Variants in CEP128 observed in about 807,000 individuals in gnomAD.
CEP128 encodes centrosomal protein 128kDa.
Under a neutral mutation model 156.7 loss-of-function variants are expected in CEP128, and 132 were observed. The ratio of observed to expected loss-of-function variants is 0.84; its 90% CI spans 0.73 to 0.97. The LOEUF (loss-of-function observed/expected upper bound fraction) is 0.97. CEP128 is among the 50% of genes least tolerant of loss of function. CEP128 has a pLI of 0.00. For missense variants in CEP128, 1,252 were observed against 1,281.9 expected, an observed-to-expected ratio of 0.98 and a Z score of 0.36; for synonymous variants, 469 against 448.9, an observed-to-expected ratio of 1.04 and a Z score of -0.57.
At position 80,896,303 on chromosome 14, in the gene CEP128, TAAAC is replaced by T. The variant is rs1175523346; in HGVS notation, c.573-517_573-514del. Among the ~76,000 whole-genome samples, 4 of 152,150 alleles carry T rather than the reference TAAAC, an allele frequency of 2.6e-5. 1 individual carries two copies. The South Asian group carries it at 6.2e-4, about 24-fold the overall frequency. ...CTCCTCAAATTAATAACATACATGA[TAAAC>T]AAACAAATCGTACAGAAAGATTTAC... On this transcript the variant is annotated intron_variant, in intron 7 of 24. Transcript: ENST00000555265.
chr14:80,558,954 A>G (rs1182227243), intron 21 of CEP128, among the ~76,000 whole-genome samples: 2 of 152,110 alleles, frequency 1.3e-5, no homozygotes, highest in Non-Finnish European at 2.9e-5. Flanking sequence ...TTATCAACCA[A>G]TCCTCTTAGT....
At chr14:80,953,589 A>G (rs1486237660) in intron 2 of CEP128, among the ~76,000 whole-genome samples, 1 of 152,190 alleles carries the variant, frequency 6.6e-6, no homozygotes, top group Non-Finnish European at 1.5e-5. Flanking sequence ...CGTCTCAAAC[A>G]AACAAACAAA....
intron 19 of CEP128, among the ~76,000 whole-genome samples, chr14:80,719,557 A>G (rs773093102): frequency 5.3e-5 from 8 of 152,316 alleles, no homozygotes; most frequent in Non-Finnish European, 1.0e-4. Context: ...GGCCCAGACT[A>G]GATCACATCT....
At chr14:80,562,576 T>C (rs908155032) in intron 20 of CEP128, among the ~76,000 whole-genome samples, 1 of 151,962 alleles carries the variant, frequency 6.6e-6, no homozygotes, top group Non-Finnish European at 1.5e-5. Context: ...TAGTTATATA[T>C]CTTTATATAA....
intron 21 of CEP128, among the ~76,000 whole-genome samples, chr14:80,553,992 T>C (rs1205436843): frequency 6.6e-6 from 1 of 152,164 alleles, no homozygotes; most frequent in Non-Finnish European, 1.5e-5. Flanking sequence ...ACCCATAGAA[T>C]TTTTCCATAT....
chr14:80,803,662 A>G (rs1346233889), intron 13 of CEP128, among the ~76,000 whole-genome samples: 1 of 152,142 alleles, frequency 6.6e-6, no homozygotes, highest in Non-Finnish European at 1.5e-5. Flanking sequence ...GATCAACAAG[A>G]CACCACTCCC....
chr14:80,543,392 G>T (rs1889849049), intron 21 of CEP128, among the ~76,000 whole-genome samples: 1 of 152,152 alleles, frequency 6.6e-6, no homozygotes, highest in Admixed American at 6.5e-5. Context: ...CCAATAATCT[G>T]AAGTTAGAGC....
At chr14:80,667,339 T>A (rs1343361611) in intron 19 of CEP128, among the ~76,000 whole-genome samples, 1 of 152,034 alleles carries the variant, frequency 6.6e-6, no homozygotes, top group African/African-American at 2.4e-5. Context: ...TGGATGTGAA[T>A]CCAGCAAATA....
At chr14:80,670,958 ATTGTT>A (rs1217168400) in intron 19 of CEP128, among the ~76,000 whole-genome samples, 2 of 152,190 alleles carry the variant, frequency 1.3e-5, no homozygotes, top group African/African-American at 4.8e-5. Flanking sequence ...AATAGTACTA[ATTGTT>A]ACCTTGATCT....
At chr14:80,958,765 C>A (rs574772078) in intron 1 of CEP128, among the ~76,000 whole-genome samples, 62 of 152,178 alleles carry the variant, frequency 4.1e-4, no homozygotes, top group African/African-American at 1.5e-3. Context: ...GTGGTGACCT[C>A]TTTTTGGAAT....
chr14:80,847,978 CACTT>C (rs1886693707), intron 9 of CEP128, among the ~76,000 whole-genome samples: 1 of 152,128 alleles, frequency 6.6e-6, no homozygotes, highest in South Asian at 2.1e-4. Context: ...CTTCAAGAAA[CACTT>C]ACTGGGCCCC....
intron 19 of CEP128, among the ~76,000 whole-genome samples, chr14:80,696,379 T>C (rs1566862506): frequency 6.6e-6 from 1 of 152,174 alleles, no homozygotes; most frequent in Admixed American, 6.5e-5. Flanking sequence ...TCAGAGGTCA[T>C]GAGCATTTGG....
At chr14:80,680,519 C>T (rs1896277549) in intron 19 of CEP128, among the ~76,000 whole-genome samples, 1 of 152,126 alleles carries the variant, frequency 6.6e-6, no homozygotes, top group African/African-American at 2.4e-5. Context: ...TATATGAAGA[C>T]CCTCTCTGCT....
At chr14:80,780,052 T>C (rs1465358676) in intron 15 of CEP128, among the ~76,000 whole-genome samples, 1 of 152,136 alleles carries the variant, frequency 6.6e-6, no homozygotes, top group Non-Finnish European at 1.5e-5. Context: ...CTGAAAATAT[T>C]AATAGCAGAT....
At chr14:80,504,069 G>A (rs1887858929) in intron 24 of CEP128, among the ~76,000 whole-genome samples, 1 of 152,060 alleles carries the variant, frequency 6.6e-6, no homozygotes, top group African/African-American at 2.4e-5. Context: ...CAGGCCCATG[G>A]TAAACTGAAG....
intron 19 of CEP128, among the ~76,000 whole-genome samples, chr14:80,647,051 A>ATGTGTGTGTG (rs1566831547): frequency 0.03 from 245 of 8,128 alleles, 15 homozygotes; most frequent in Non-Finnish European, 0.032. Context: ...ATATATATAT[A>ATGTGTGTGTG]TATATATATA....
At chr14:80,634,819 C>A (rs930097589) in intron 19 of CEP128, among the ~76,000 whole-genome samples, 10 of 152,206 alleles carry the variant, frequency 6.6e-5, no homozygotes, top group African/African-American at 2.4e-4. Flanking sequence ...CAGTTTCCTT[C>A]TCTACATTTT....
chr14:80,836,750 T>C (rs559944566), intron 11 of CEP128, among the ~76,000 whole-genome samples: 1 of 152,362 alleles, frequency 6.6e-6, no homozygotes, highest in Non-Finnish European at 1.5e-5. Flanking sequence ...ACTAAAATCA[T>C]GCTCAAAATA....
chr14:80,870,795 G>T (rs569146053), intron 8 of CEP128, among the ~76,000 whole-genome samples: 20 of 151,888 alleles, frequency 1.3e-4, no homozygotes, highest in Non-Finnish European at 2.4e-4. Flanking sequence ...GAGGAAGGAA[G>T]AAGTCAAATT....
Sources: allele counts gnomAD v4.1 joint callset (sites outside exome capture counted in the v4.1 genomes callset), GRCh38; gene constraint gnomAD v4.1.1; transcripts MANE v1.5; gene names NCBI Gene and HGNC (gene_info 2026-07-23, HGNC 2026-07-21).